Variants in HNRNPC observed in about 807,000 individuals in gnomAD.
HNRNPC encodes heterogeneous nuclear ribonucleoprotein C, also known as heterogeneous nuclear ribonucleoproteins C1/C2.
A neutral mutation model predicts 33.2 loss-of-function variants in HNRNPC; 3 were observed. The observed-to-expected ratio is 0.09, with a 90% CI of 0.04 to 0.23. The LOEUF is 0.23. Among genes scored for constraint, HNRNPC ranks in the 10% least tolerant of loss-of-function variants. The probability of loss-of-function intolerance (pLI) is 1.00; values close to 1 mark genes in which losing one functional copy is unlikely to be tolerated. For missense variants in HNRNPC, 143 were observed against 366.7 expected (o/e 0.39, Z 4.98); for synonymous variants, 121 against 126.7 (o/e 0.96, Z 0.30).
chr14:21,220,683 T>C (rs753082125), intron 5 of HNRNPC, among the ~76,000 whole-genome samples: 1 of 152,218 alleles, frequency 6.6e-6, no homozygotes, highest in Non-Finnish European at 1.5e-5. Context: ...AACCGAACCC[T>C]ATCTATGTAA....
intron 5 of HNRNPC, among the ~76,000 whole-genome samples, chr14:21,216,568 G>A (rs1892214647): frequency 6.6e-6 from 1 of 152,060 alleles, no homozygotes; most frequent in African/African-American, 2.4e-5. Flanking sequence ...AATTATCCAG[G>A]TGTGGTGGCA....
chr14:21,216,581 T>A (rs575742613), intron 5 of HNRNPC, among the ~76,000 whole-genome samples: 1 of 152,072 alleles, frequency 6.6e-6, no homozygotes, highest in African/African-American at 2.4e-5. Flanking sequence ...TGGTGGCACA[T>A]TCCTATAATC....
At chr14:21,212,580 T>C (rs1891735704) in intron 6 of HNRNPC, among the ~76,000 whole-genome samples, 1 of 151,946 alleles carries the variant, frequency 6.6e-6, no homozygotes, top group Non-Finnish European at 1.5e-5. Flanking sequence ...GTTTTGCTCG[T>C]CACCCAGGCT....
chr14:21,220,424 T>G (rs1892698337), intron 5 of HNRNPC, among the ~76,000 whole-genome samples: 1 of 152,134 alleles, frequency 6.6e-6, no homozygotes, highest in South Asian at 2.1e-4. Flanking sequence ...AAATGGGATT[T>G]CACCATGTTA....
chr14:21,268,466 G>T (rs59738459), intron 1 of HNRNPC, among the ~76,000 whole-genome samples: 51 of 152,284 alleles, frequency 3.3e-4, no homozygotes, highest in African/African-American at 1.2e-3. Context: ...AGTAGTTTTA[G>T]AACTATATTA....
At chr14:21,262,482 GCA>G (rs1878405867) in intron 2 of HNRNPC, 1 of 152,256 alleles carries the variant, frequency 6.6e-6, no homozygotes, top group Non-Finnish European at 1.5e-5. Context: ...ACCTCAAGAT[GCA>G]CACACAAAAG....
At chr14:21,258,731 T>C (rs1027918460) in intron 2 of HNRNPC, among the ~76,000 whole-genome samples, 1 of 152,222 alleles carries the variant, frequency 6.6e-6, no homozygotes, top group Non-Finnish European at 1.5e-5. Context: ...CAACAAGGTA[T>C]CAGAAATAAT....
rs185418474 is a variant in HNRNPC, at chr14:21,250,684, G to A, written c.-37+12627C>T. ...CAAATAAAATGTCATGTTTTATATT[G>A]TATTATTTCCAATGTAAAGTAAATG... is the stretch of plus-strand genomic sequence containing the variant. On this transcript the variant is annotated intron_variant, in intron 2 of 8. Transcript: ENST00000553300. Among the ~76,000 whole-genome samples the A allele has an allele frequency of 1.2e-4, 18 of 152,192 alleles. No individual in the cohort carries two copies. The East Asian group carries it at 3.5e-3, about 29-fold the overall frequency.
intron 3 of HNRNPC, 65 bp downstream of exon 3, chr14:21,233,887 CA>C (rs200104559): frequency 1.6e-3 from 2,045 of 1,274,522 alleles, no homozygotes; most frequent in South Asian, 3.5e-3. Flanking sequence ...GACATAAAGA[CA>C]AAAAAAAAAC....
chr14:21,229,368 CAAAAAAAAAAA>C (rs36094058), intron 5 of HNRNPC, among the ~76,000 whole-genome samples: 1 of 112,280 alleles, frequency 8.9e-6, no homozygotes, highest in African/African-American at 3.3e-5. Flanking sequence ...GAGACTGTCT[CAAAAAAAAAAA>C]AAAAAAAATC....
At chr14:21,230,713 G>T in intron 4 of HNRNPC, 1 of 488,798 alleles carries the variant, frequency 2.0e-6, no homozygotes, top group Non-Finnish European at 3.6e-6. Flanking sequence ...TCCTGTATAA[G>T]TATTTCAGGT....
chr14:21,219,234 G>GATAT (rs1162508557), intron 5 of HNRNPC, among the ~76,000 whole-genome samples: 1 of 152,030 alleles, frequency 6.6e-6, no homozygotes, highest in African/African-American at 2.4e-5. Context: ...TTAAGGAACA[G>GATAT]ATATGATTGC....
At chr14:21,233,838 G>A (rs1894381058) in intron 3 of HNRNPC, 115 bp downstream of exon 3, 5 of 1,282,248 alleles carry the variant, frequency 3.9e-6, no homozygotes, top group Non-Finnish European at 5.4e-6. Context: ...AGGCTAAACA[G>A]TCGCAATATC....
chr14:21,255,757 A>G (rs531784281), intron 2 of HNRNPC, among the ~76,000 whole-genome samples: 3 of 152,384 alleles, frequency 2.0e-5, no homozygotes, highest in South Asian at 2.1e-4. Flanking sequence ...ATTGTTTGGC[A>G]TATGTATTTC....
Position 21,222,931 on chromosome 14 carries a change from T to C in HNRNPC, c.365+7388A>G, listed in dbSNP as rs1007162054. Among the ~76,000 whole-genome samples the C allele has an allele frequency of 6.6e-5, 10 of 151,446 alleles. 1 individual carries two copies. The highest frequency in any genetic ancestry group is 6.6e-4 in the Admixed American group (10 of 15,230). On this transcript the variant is annotated intron_variant, in intron 5 of 8. Transcript: ENST00000553300. ...AAACAAAAACACCAGCTGGGCGTGA[T>C]GGCTCACGCCTGTAATCCTAGCACT...
At chr14:21,248,839 CTCAG>C (rs1313216332) in intron 2 of HNRNPC, among the ~76,000 whole-genome samples, 2 of 152,136 alleles carry the variant, frequency 1.3e-5, no homozygotes, top group African/African-American at 4.8e-5. Context: ...TGTTTTTTGA[CTCAG>C]TAATTTTAAC....
At chr14:21,225,651 T>C (rs780740000) in intron 5 of HNRNPC, among the ~76,000 whole-genome samples, 4 of 152,076 alleles carry the variant, frequency 2.6e-5, no homozygotes, top group Non-Finnish European at 4.4e-5. Flanking sequence ...CTGATGTAGG[T>C]AGGGTCCACG....
chr14:21,234,327 C>G, intron 2 of HNRNPC, 98 bp from the exon 3 acceptor site: 1 of 1,121,216 alleles, frequency 8.9e-7, no homozygotes, highest in East Asian at 2.5e-5. Context: ...TGTTAACTGC[C>G]CAGAGTATTA....
At chr14:21,264,220 A>T (rs553718608) in intron 1 of HNRNPC, 3 of 152,310 alleles carry the variant, frequency 2.0e-5, no homozygotes, top group African/African-American at 4.8e-5. Flanking sequence ...TTTTAAACTT[A>T]AAAAAGTCCG....
Sources: allele counts gnomAD v4.1 joint callset (sites outside exome capture counted in the v4.1 genomes callset), GRCh38; gene constraint gnomAD v4.1.1; transcripts MANE v1.5; gene names NCBI Gene and HGNC (gene_info 2026-07-23, HGNC 2026-07-21).